LRRTM4: variants seen among roughly 807,000 people sequenced by gnomAD.
LRRTM4 encodes the protein leucine rich repeat transmembrane neuronal 4, also known as leucine-rich repeat transmembrane neuronal protein 4.
In LRRTM4, 25 loss-of-function variants were observed where a neutral mutation model predicts 47.6. The ratio of observed to expected loss-of-function variants is 0.53; its 90% CI spans 0.38 to 0.73. The LOEUF (loss-of-function observed/expected upper bound fraction) is 0.73. LRRTM4 is among the 30% of genes least tolerant of loss of function. LRRTM4 has a pLI of 0.00. For missense variants in LRRTM4, 638 were observed against 713.4 expected (o/e 0.89, Z 1.20); for synonymous variants, 311 against 269.5 (o/e 1.15, Z -1.51).
intron 3 of LRRTM4, among the ~76,000 whole-genome samples, chr2:76,907,226 C>T (rs1209065433): frequency 2.0e-5 from 3 of 151,966 alleles, no homozygotes; most frequent in East Asian, 1.9e-4. Context: ...AACTGTACAA[C>T]CTGCTCCTGA....
At chr2:77,180,358 C>G (rs575015111) in intron 3 of LRRTM4, among the ~76,000 whole-genome samples, 15 of 152,200 alleles carry the variant, frequency 9.9e-5, no homozygotes, top group African/African-American at 3.6e-4. Context: ...TTCTCTCTCC[C>G]CAGCCTCCCT....
chr2:76,795,126 A>G (rs189065756), intron 3 of LRRTM4, among the ~76,000 whole-genome samples: 75 of 151,584 alleles, frequency 4.9e-4, no homozygotes, highest in African/African-American at 1.8e-3. Flanking sequence ...ATTTACTAAC[A>G]ATAATATTAA....
At chr2:76,870,602 AGGCC>A (rs1180257956) in intron 3 of LRRTM4, among the ~76,000 whole-genome samples, 1 of 152,164 alleles carries the variant, frequency 6.6e-6, no homozygotes, top group Non-Finnish European at 1.5e-5. Context: ...ACAGAGCAGC[AGGCC>A]TATACCTTTC....
chr2:77,168,900 C>T (rs976069813), intron 3 of LRRTM4, among the ~76,000 whole-genome samples: 1 of 151,974 alleles, frequency 6.6e-6, no homozygotes, highest in African/African-American at 2.4e-5. Flanking sequence ...GAAATTTATC[C>T]CAGGGATGCA....
intron 3 of LRRTM4, among the ~76,000 whole-genome samples, chr2:77,122,530 C>T (rs1442747433): frequency 6.7e-6 from 1 of 149,962 alleles, no homozygotes; most frequent in African/African-American, 2.4e-5. Flanking sequence ...TATATATACA[C>T]AATAGATATA....
chr2:76,986,747 G>C (rs1342905129), intron 3 of LRRTM4, among the ~76,000 whole-genome samples: 1 of 151,942 alleles, frequency 6.6e-6, no homozygotes, highest in East Asian at 1.9e-4. Flanking sequence ...GATATTGTTT[G>C]TACTCTTGGA....
At chr2:76,804,386 C>G (rs976089606) in intron 3 of LRRTM4, among the ~76,000 whole-genome samples, 2 of 152,028 alleles carry the variant, frequency 1.3e-5, no homozygotes, top group Non-Finnish European at 2.9e-5. Context: ...TGAGAACACA[C>G]ATACACACAC....
chr2:77,519,934 C>A lies in LRRTM4; in HGVS notation c.5-70G>T. The A allele has an allele frequency of 6.8e-7, 1 of 1,468,062 alleles. No homozygotes were observed. Among genetic ancestry groups the A allele is most frequent in the Non-Finnish European group, 9.0e-7 (1 of 1,110,844 alleles). 90.9% of individuals were successfully genotyped at this position (1,468,062 alleles called of 1,614,324 possible). ...AAATAAATCACCGTCGGTTTACCAACAACAGGGGCATTTCCTCTAGTGTAG... is the reference window on the plus strand; with the variant it reads ...AAATAAATCACCGTCGGTTTACCAAAAACAGGGGCATTTCCTCTAGTGTAG... On this transcript the variant is annotated intron_variant, in intron 2 of 3. Transcript: ENST00000409884. The surrounding 1 kb of genome is among the most constrained non-coding windows in gnomAD (Gnocchi z 4.6).
chr2:77,270,948 AATCCCCATTCT>A, intron 3 of LRRTM4, among the ~76,000 whole-genome samples: 1 of 152,278 alleles, frequency 6.6e-6, no homozygotes, highest in East Asian at 1.9e-4. Context: ...ATCAGCATGC[AATCCCCATTCT>A]GAGTCCTATG....
chr2:77,136,590 C>G (rs1671950756), intron 3 of LRRTM4, among the ~76,000 whole-genome samples: 1 of 152,196 alleles, frequency 6.6e-6, no homozygotes, highest in Non-Finnish European at 1.5e-5. Flanking sequence ...CAAAGGAACG[C>G]AGCTCCTCGC....
chr2:77,093,061 G>A (rs186205924), intron 3 of LRRTM4, among the ~76,000 whole-genome samples: 10 of 145,778 alleles, frequency 6.9e-5, no homozygotes, highest in Admixed American at 2.0e-4. Context: ...TCTCATTCCA[G>A]ACACCAGACC....
chr2:77,426,939 A>T (rs1028171134), intron 3 of LRRTM4, among the ~76,000 whole-genome samples: 20 of 149,818 alleles, frequency 1.3e-4, no homozygotes, highest in Middle Eastern at 3.4e-3. Context: ...GGCTGCCTGT[A>T]TTCCCCTTTA....
chr2:77,273,538 G>A (rs1676261085), intron 3 of LRRTM4, among the ~76,000 whole-genome samples: 3 of 152,116 alleles, frequency 2.0e-5, no homozygotes, highest in Admixed American at 6.6e-5. Context: ...TAGAATATAA[G>A]TGGGGGTTAT....
chr2:76,911,842 A>G (rs527893636), intron 3 of LRRTM4, among the ~76,000 whole-genome samples: 8 of 143,564 alleles, frequency 5.6e-5, no homozygotes, highest in African/African-American at 2.1e-4. Context: ...GTGTGTGTAT[A>G]TTTGTGTGTG....
chr2:76,973,812 T>C (rs1450212721), intron 3 of LRRTM4, among the ~76,000 whole-genome samples: 2 of 151,922 alleles, frequency 1.3e-5, no homozygotes, highest in Admixed American at 1.3e-4. Context: ...CTAGCATCTG[T>C]CAATCTTTTC....
intron 3 of LRRTM4, among the ~76,000 whole-genome samples, chr2:76,931,161 ATATT>A (rs1674756534): frequency 6.6e-6 from 1 of 152,190 alleles, no homozygotes; most frequent in African/African-American, 2.4e-5. Context: ...AATAGAAAAT[ATATT>A]TACTTTTTTA....
chr2:77,413,705 T>TTCTCTCCTCTCC, intron 3 of LRRTM4, among the ~76,000 whole-genome samples: 1 of 152,216 alleles, frequency 6.6e-6, no homozygotes, highest in South Asian at 2.1e-4. Flanking sequence ...AGAGCTCCTC[T>TTCTCTCCTCTCC]TCTCTCCTCT....
At chr2:77,039,110 TAA>T (rs1678940965) in intron 3 of LRRTM4, among the ~76,000 whole-genome samples, 1 of 151,108 alleles carries the variant, frequency 6.6e-6, no homozygotes, top group African/African-American at 2.4e-5. Context: ...TCAAGGGAAG[TAA>T]TTAATTTATA....
intron 3 of LRRTM4, among the ~76,000 whole-genome samples, chr2:76,959,769 A>G (rs1335906555): frequency 1.3e-5 from 2 of 151,724 alleles, no homozygotes; most frequent in Admixed American, 1.3e-4. Flanking sequence ...AATGGTGAGT[A>G]GCAAAGAGTG....
Sources: gnomAD v4.1 joint callset for allele counts (sites outside exome capture counted in the v4.1 genomes callset) on GRCh38, gnomAD v4.1.1 for gene constraint, Gnocchi (gnomAD v3.1) non-coding constraint, MANE v1.5 for transcripts, NCBI Gene and HGNC (gene_info 2026-07-23, HGNC 2026-07-21) for gene names.